KIAA0825: variants seen among roughly 807,000 people sequenced by gnomAD.
KIAA0825 encodes uncharacterized protein KIAA0825.
A neutral mutation model predicts 147.6 loss-of-function variants in KIAA0825; 119 were observed. The observed-to-expected ratio is 0.81, with a 90% confidence interval of 0.69 to 0.94. The LOEUF (loss-of-function observed/expected upper bound fraction) is 0.94, where lower values mean the gene tolerates loss of function less well. Ranked by LOEUF, KIAA0825 falls within the 40% of genes least tolerant of loss-of-function variation. KIAA0825 has a pLI of 0.00. For synonymous variants in KIAA0825, 470 were observed against 518.1 expected (o/e 0.91, Z 1.26); for missense variants, 1,381 against 1,472.7 (o/e 0.94, Z 1.02).
intron 15 of KIAA0825, among the ~76,000 whole-genome samples, chr5:94,407,861 T>C (rs184938778): frequency 5.5e-4 from 84 of 152,314 alleles, no homozygotes; most frequent in Middle Eastern, 3.4e-3. Flanking sequence ...AGTACATTTG[T>C]TATAAAAATG....
chr5:94,310,886 A>G (rs981751264), intron 20 of KIAA0825, among the ~76,000 whole-genome samples: 1 of 151,716 alleles, frequency 6.6e-6, no homozygotes, highest in Non-Finnish European at 1.5e-5. Context: ...TCAGACAGCC[A>G]TAAGATTTTC....
chr5:94,157,670 G>GCACATGGAAAACCTTT lies in KIAA0825; in HGVS notation c.3711-3547_3711-3546insAAAGGTTTTCCATGTG, dbSNP rs574680821. Reference sequence around the variant, plus strand: ...AGCTTTTCCATGTGCCATACCATGAGCTAAGACCTTTCTGTTTTTGCTCAC... The same window carrying GCACATGGAAAACCTTT: ...AGCTTTTCCATGTGCCATACCATGAGCACATGGAAAACCTTTCTAAGACCTTTCTGTTTTTGCTCAC... On this transcript the variant is annotated intron_variant, in intron 20 of 20. Transcript: ENST00000682413. Among the ~76,000 whole-genome samples, 1,217 of 152,278 alleles carry GCACATGGAAAACCTTT rather than the reference G, an allele frequency of 8.0e-3. 10 individuals are homozygous for GCACATGGAAAACCTTT. Among genetic ancestry groups the GCACATGGAAAACCTTT allele is most frequent in the Admixed American group, 0.013 (194 of 15,296 alleles).
At chr5:94,218,396 G>A (rs1027797653) in intron 20 of KIAA0825, among the ~76,000 whole-genome samples, 44 of 152,264 alleles carry the variant, frequency 2.9e-4, no homozygotes, top group African/African-American at 1.1e-3. Flanking sequence ...TTCACAGGCT[G>A]GGTTAGGGAT....
chr5:94,493,422 T>C (rs1255748111), intron 5 of KIAA0825, among the ~76,000 whole-genome samples: 1 of 152,220 alleles, frequency 6.6e-6, no homozygotes, highest in Admixed American at 6.5e-5. Context: ...ACTGCTTCCA[T>C]AGAGGTACAT....
intron 20 of KIAA0825, among the ~76,000 whole-genome samples, chr5:94,293,549 A>C (rs577405438): frequency 6.6e-6 from 1 of 152,282 alleles, no homozygotes; most frequent in South Asian, 2.1e-4. Flanking sequence ...TCAATTTTAG[A>C]ATAAGTATGA....
intron 14 of KIAA0825, among the ~76,000 whole-genome samples, chr5:94,422,019 C>T (rs899067486): frequency 1.3e-4 from 20 of 152,146 alleles, no homozygotes; most frequent in African/African-American, 3.9e-4. Context: ...TTCTGATATT[C>T]CCCTATTCCT....
chr5:94,222,139 G>A (rs1215053752), intron 20 of KIAA0825, among the ~76,000 whole-genome samples: 2 of 152,100 alleles, frequency 1.3e-5, no homozygotes, highest in Non-Finnish European at 2.9e-5. Context: ...CCACTAAACA[G>A]CTTCTCCTGA....
At chr5:94,526,243 C>G (rs939772097) in intron 3 of KIAA0825, among the ~76,000 whole-genome samples, 1 of 151,834 alleles carries the variant, frequency 6.6e-6, no homozygotes, top group African/African-American at 2.4e-5. Context: ...CAAATGTTAT[C>G]TTTCAGATGC....
chr5:94,237,045 G>GTA (rs1293573444), intron 20 of KIAA0825, among the ~76,000 whole-genome samples: 1 of 140,342 alleles, frequency 7.1e-6, no homozygotes, highest in African/African-American at 2.9e-5. Context: ...TAGGCTATAT[G>GTA]TGTGTGTGTG....
intron 3 of KIAA0825, among the ~76,000 whole-genome samples, chr5:94,529,581 T>C (rs1385794074): frequency 2.0e-5 from 3 of 151,840 alleles, no homozygotes; most frequent in Admixed American, 6.6e-5. Flanking sequence ...GTAGAGAATA[T>C]TTCTAGAAAA....
chr5:94,313,529 G>T (rs1295675281), intron 20 of KIAA0825, among the ~76,000 whole-genome samples: 5 of 151,396 alleles, frequency 3.3e-5, no homozygotes, highest in African/African-American at 1.2e-4. Flanking sequence ...ATCAAGAGTG[G>T]ATACAGTGTT....
At chr5:94,293,799 A>G (rs1342701063) in intron 20 of KIAA0825, among the ~76,000 whole-genome samples, 1 of 152,150 alleles carries the variant, frequency 6.6e-6, no homozygotes, top group Non-Finnish European at 1.5e-5. Context: ...GTTCTCATGT[A>G]TTGGGTGCAT....
intron 13 of KIAA0825, among the ~76,000 whole-genome samples, chr5:94,452,051 ATAAG>A (rs1200657177): frequency 6.6e-6 from 1 of 152,230 alleles, no homozygotes; most frequent in East Asian, 1.9e-4. Flanking sequence ...GGACTCAAAC[ATAAG>A]TAATTAACTA....
intron 2 of KIAA0825, among the ~76,000 whole-genome samples, chr5:94,558,688 G>A (rs1387308276): frequency 6.6e-6 from 1 of 152,130 alleles, no homozygotes; most frequent in East Asian, 1.9e-4. Context: ...CGCAAAGTTT[G>A]GAGTACTCTG....
rs533473551 is a variant in KIAA0825, at chr5:94,539,471, G to A, written c.-1-2344C>T. On this transcript the variant is annotated intron_variant, in intron 2 of 20. Transcript: ENST00000682413. ...GCATCTTTCTGGTGACCACAGAATG[G>A]ACTATAATAAGGAAACCCCCAACCC... 3.9e-5 allele frequency among the ~76,000 whole-genome samples: 6 copies of A among 152,252 alleles called. No individual in the cohort carries two copies. In the South Asian group the frequency reaches 1.2e-3, roughly 32 times the overall value.
intron 1 of KIAA0825, among the ~76,000 whole-genome samples, chr5:94,605,625 A>C (rs1364294535): frequency 6.6e-6 from 1 of 152,240 alleles, no homozygotes; most frequent in Non-Finnish European, 1.5e-5. Context: ...TCAACTCAAT[A>C]AATGTGATTC....
intron 1 of KIAA0825, among the ~76,000 whole-genome samples, chr5:94,587,097 G>T (rs1207945247): frequency 1.3e-5 from 2 of 152,258 alleles, no homozygotes; most frequent in East Asian, 3.9e-4. Context: ...TACTGGATGG[G>T]CAAAAACTGG....
At chr5:94,224,082 CTTTTTTTTTTT>C (rs869059424) in intron 20 of KIAA0825, among the ~76,000 whole-genome samples, 8 of 56,438 alleles carry the variant, frequency 1.4e-4, no homozygotes, top group African/African-American at 3.4e-4. Flanking sequence ...TTTTTCTTTT[CTTTTTTTTTTT>C]TTTTTTTTTT....
At chr5:94,556,976 C>T (rs1383272428) in intron 2 of KIAA0825, among the ~76,000 whole-genome samples, 1 of 152,210 alleles carries the variant, frequency 6.6e-6, no homozygotes, top group African/African-American at 2.4e-5. Context: ...ATTGTCTCCT[C>T]TCTTGACAAT....
Sources: allele counts gnomAD v4.1 joint callset (sites outside exome capture counted in the v4.1 genomes callset), GRCh38; gene constraint gnomAD v4.1.1; transcripts MANE v1.5; gene names NCBI Gene and HGNC (gene_info 2026-07-23, HGNC 2026-07-21).